TTC27: variants seen among roughly 807,000 people sequenced by gnomAD.
The protein encoded by TTC27 is tetratricopeptide repeat domain 27, also known as tetratricopeptide repeat protein 27.
TTC27 carries 79 observed loss-of-function variants against 115.9 expected under a neutral mutation model. The observed-to-expected ratio is 0.68, with a 90% CI of 0.57 to 0.82. The LOEUF is 0.82. TTC27 is among the 40% of genes least tolerant of loss of function. TTC27 has a pLI of 0.00. For synonymous variants in TTC27, 401 were observed against 356.0 expected, an observed-to-expected ratio of 1.13 and a Z score of -1.42; for missense variants, 1,054 against 993.1, an observed-to-expected ratio of 1.06 and a Z score of -0.82.
At chr2:32,719,702 A>G (rs553580727) in intron 10 of TTC27, among the ~76,000 whole-genome samples, 2 of 152,346 alleles carry the variant, frequency 1.3e-5, no homozygotes, top group African/African-American at 2.4e-5. Context: ...TAGTTACTCT[A>G]AGCTGGAGAC....
intron 13 of TTC27, among the ~76,000 whole-genome samples, chr2:32,773,507 C>T (rs1292721081): frequency 6.6e-6 from 1 of 152,216 alleles, no homozygotes; most frequent in African/African-American, 2.4e-5. Context: ...TGCCATAAAT[C>T]ATGGCTTGTG....
At chr2:32,721,085 T>G (rs1667908836) in intron 10 of TTC27, among the ~76,000 whole-genome samples, 2 of 152,214 alleles carry the variant, frequency 1.3e-5, no homozygotes, top group Admixed American at 6.5e-5. Context: ...GTTTGCCTAA[T>G]GAGTGGGTAT....
At chr2:32,817,211 C>G (rs2148052886) in intron 18 of TTC27, among the ~76,000 whole-genome samples, 1 of 151,074 alleles carries the variant, frequency 6.6e-6, no homozygotes, top group Non-Finnish European at 1.5e-5. Context: ...GTATGCCACA[C>G]CTCCAGACTG....
intron 15 of TTC27, among the ~76,000 whole-genome samples, chr2:32,783,608 A>G (rs931215981): frequency 6.6e-6 from 1 of 152,238 alleles, no homozygotes; most frequent in African/African-American, 2.4e-5. Context: ...GGGAAGATTT[A>G]TCTGGTGGCA....
At chr2:32,716,367 A>G (rs1409187506) in intron 10 of TTC27, among the ~76,000 whole-genome samples, 5 of 152,224 alleles carry the variant, frequency 3.3e-5, no homozygotes, top group Admixed American at 2.0e-4. Context: ...TTAGTACTGC[A>G]TATAATAAAA....
At chr2:32,741,922 T>C (rs993384519) in intron 12 of TTC27, among the ~76,000 whole-genome samples, 3 of 152,186 alleles carry the variant, frequency 2.0e-5, no homozygotes, top group Non-Finnish European at 4.4e-5. Flanking sequence ...ATTTGAACCT[T>C]CTAACTTTAG....
intron 5 of TTC27, among the ~76,000 whole-genome samples, chr2:32,657,140 C>T (rs984972219): frequency 2.0e-5 from 3 of 151,850 alleles, no homozygotes; most frequent in African/African-American, 4.8e-5. Flanking sequence ...TGCCCACCAC[C>T]GTGCCCGGCT....
intron 9 of TTC27, among the ~76,000 whole-genome samples, chr2:32,689,744 A>G (rs59340945): frequency 0.01 from 1,527 of 152,298 alleles, 19 homozygotes; most frequent in African/African-American, 0.035. Flanking sequence ...TTGAGAGTCA[A>G]CAGAAATAAC....
intron 10 of TTC27, among the ~76,000 whole-genome samples, chr2:32,718,798 C>T (rs1667831627): frequency 6.6e-6 from 1 of 152,208 alleles, no homozygotes; most frequent in African/African-American, 2.4e-5. Context: ...TGGGTCTTCC[C>T]TCTAAATCTT....
chr2:32,788,509 TTTC>T (rs1402740149), intron 16 of TTC27, among the ~76,000 whole-genome samples: 1 of 152,220 alleles, frequency 6.6e-6, no homozygotes, highest in Non-Finnish European at 1.5e-5. Context: ...GTGTCATCTC[TTTC>T]TTAATTGTCT....
intron 9 of TTC27, among the ~76,000 whole-genome samples, 156 bp from the exon 10 acceptor site, chr2:32,702,651 A>C (rs1007443372): frequency 1.6e-4 from 24 of 152,222 alleles, no homozygotes; most frequent in African/African-American, 5.5e-4. Context: ...CTGTAATACA[A>C]ATTGAGAAAA....
chr2:32,795,600 T>C lies in TTC27; in HGVS notation c.1998+8451T>C, dbSNP rs185215266. Among the ~76,000 whole-genome samples, 287 of 150,988 alleles carry C rather than the reference T, an allele frequency of 1.9e-3. 3 individuals carry two copies. Among genetic ancestry groups the C allele is most frequent in the African/African-American group, 6.3e-3 (261 of 41,284 alleles). On this transcript the variant is annotated intron_variant, in intron 16 of 19. Transcript: ENST00000317907. Reference sequence around the variant, plus strand: ...CAAAGTGTTGCTCTGTTGCCCAGGCTGGAGTGCAGTGGCATGATCTCTGCT... The same window carrying C: ...CAAAGTGTTGCTCTGTTGCCCAGGCCGGAGTGCAGTGGCATGATCTCTGCT...
chr2:32,781,121 A>C (rs1219514520), intron 14 of TTC27, among the ~76,000 whole-genome samples: 1 of 152,220 alleles, frequency 6.6e-6, no homozygotes, highest in African/African-American at 2.4e-5. Context: ...AATTAGTCCC[A>C]GAGTTTCAGC....
intron 9 of TTC27, among the ~76,000 whole-genome samples, chr2:32,692,936 A>G (rs1666865363): frequency 6.6e-6 from 1 of 151,812 alleles, no homozygotes; most frequent in Non-Finnish European, 1.5e-5. Context: ...AGATCGCACT[A>G]CTGTACTCCA....
At position 32,736,829 on chromosome 2, in the gene TTC27, C is replaced by T. The variant is rs537223564; in HGVS notation, c.1452+13C>T. The T allele has an allele frequency of 2.5e-6, 4 of 1,612,490 alleles. No individual in the cohort carries two copies. Among genetic ancestry groups the T allele is most frequent in the Non-Finnish European group, 3.4e-6 (4 of 1,179,122 alleles). On this transcript the variant is annotated intron_variant, in intron 12 of 19. Coordinates refer to ENST00000317907, the MANE Select transcript of TTC27 (RefSeq NM_017735.5). ...GCAGCACGGAAAGGTATGTAATAGT[C>T]CAATTTGATGTACTGGTGAGAGCCT...
At chr2:32,715,470 C>T (rs1024032860) in intron 10 of TTC27, among the ~76,000 whole-genome samples, 18 of 152,066 alleles carry the variant, frequency 1.2e-4, no homozygotes, top group Non-Finnish European at 2.5e-4. Context: ...ATTTTTGTTT[C>T]TGTGGCCTTG....
At chr2:32,729,456 A>G (rs1668218494) in intron 10 of TTC27, among the ~76,000 whole-genome samples, 1 of 152,168 alleles carries the variant, frequency 6.6e-6, no homozygotes, top group Non-Finnish European at 1.5e-5. Context: ...GACCTGTGAC[A>G]CTGTGGCTCC....
intron 10 of TTC27, among the ~76,000 whole-genome samples, chr2:32,721,777 T>C (rs1318391980): frequency 6.6e-6 from 1 of 152,098 alleles, no homozygotes; most frequent in Non-Finnish European, 1.5e-5. Flanking sequence ...GTTGGGACTA[T>C]AGGCACACAC....
intron 13 of TTC27, among the ~76,000 whole-genome samples, chr2:32,767,885 C>A (rs369812826): frequency 7.0e-4 from 107 of 152,076 alleles, no homozygotes; most frequent in Non-Finnish European, 1.4e-3. Context: ...ATTATTGTGT[C>A]CCCTAGAAAA....
Sources: allele counts gnomAD v4.1 joint callset (sites outside exome capture counted in the v4.1 genomes callset), GRCh38; gene constraint gnomAD v4.1.1; transcripts MANE v1.5; gene names NCBI Gene and HGNC (gene_info 2026-07-23, HGNC 2026-07-21).